The following SBNO2 variants were observed in gnomAD, a reference collection of about 807,000 sequenced individuals.
SBNO2 encodes the protein strawberry notch homolog 2.
In SBNO2, 89 loss-of-function variants were observed where a neutral mutation model predicts 146.3. That is an observed-to-expected ratio of 0.61 (90% CI 0.51 to 0.73). SBNO2 has a LOEUF of 0.73. Ranked by LOEUF, SBNO2 falls within the 30% of genes least tolerant of loss-of-function variation. The probability of loss-of-function intolerance (pLI) is 0.00; values close to 1 mark genes in which losing one functional copy is unlikely to be tolerated. For synonymous variants in SBNO2, 1,147 were observed against 892.6 expected, an observed-to-expected ratio of 1.29 and a Z score of -5.08; for missense variants, 2,092 against 2,003.7, an observed-to-expected ratio of 1.04 and a Z score of -0.84.
chr19:1,110,427 T>G lies in SBNO2; in HGVS notation c.3028+318A>C, dbSNP rs531945996. Among the ~76,000 whole-genome samples, 1 of 151,828 alleles carries G rather than the reference T, an allele frequency of 6.6e-6. No individual in the cohort carries two copies. The highest frequency in any genetic ancestry group is 1.5e-5 in the Non-Finnish European group (1 of 67,884). On this transcript the variant is annotated intron_variant, in intron 26 of 31. Coordinates refer to ENST00000361757, the MANE Select transcript of SBNO2 (RefSeq NM_014963.3). This position sits in a 1 kb window ranked among gnomAD's most constrained non-coding sequence, Gnocchi z 4.9. ...GTGCACGGTGATCCCACGAGCCCTG[T>G]GCCTGCATCCGCCCAGTCTCACCCA...
intron 6 of SBNO2, 78 bp from the exon 7 acceptor site, chr19:1,123,717 C>A: frequency 7.2e-7 from 1 of 1,391,216 alleles, no homozygotes; most frequent in Admixed American, 2.0e-5. Flanking sequence ...GGGGCAGGGG[C>A]CAGGCTGACC....
chr19:1,143,745 C>A (rs538498326), intron 4 of SBNO2, among the ~76,000 whole-genome samples: 1 of 152,272 alleles, frequency 6.6e-6, no homozygotes, highest in East Asian at 1.9e-4. Flanking sequence ...TGTGAGGACA[C>A]TGGGTCTCCA....
At position 1,109,367 on chromosome 19, in the gene SBNO2, G is replaced by T; in HGVS notation, c.3273C>A (p.Phe1091Leu). 6.3e-7 allele frequency: 1 copy of T among 1,584,212 alleles called. No homozygotes were observed. The highest frequency in any genetic ancestry group is 8.6e-7 in the Non-Finnish European group (1 of 1,166,212). Residue 1091 changes from phenylalanine (F) to leucine (L), a missense_variant, in exon 29 of 32, where the codon TTC (phenylalanine) becomes TTA (leucine). Physicochemically the swap from Phe to Leu is conservative, Grantham distance 22. Coordinates refer to ENST00000361757, the MANE Select transcript of SBNO2 (RefSeq NM_014963.3). This position sits in a 1 kb window ranked among gnomAD's most constrained non-coding sequence, Gnocchi z 4.2. ...LLAEQNRGQF[F>L]TVYKPNIGRQ... Reference sequence around the variant, plus strand: ...GGCCGATGTTGGGCTTGTACACCGTGAAGAACTGGCCGCGGTTCTGCTCCG... The same window carrying T: ...GGCCGATGTTGGGCTTGTACACCGTTAAGAACTGGCCGCGGTTCTGCTCCG...
intron 1 of SBNO2, among the ~76,000 whole-genome samples, chr19:1,171,449 G>A (rs756657366): frequency 7.2e-5 from 11 of 152,146 alleles, no homozygotes; most frequent in Non-Finnish European, 1.3e-4. Context: ...CAGCGCTGGC[G>A]TCATGGGGGG....
intron 2 of SBNO2, among the ~76,000 whole-genome samples, chr19:1,152,188 G>A (rs934946887): frequency 5.9e-5 from 9 of 152,152 alleles, no homozygotes; most frequent in African/African-American, 1.9e-4. Flanking sequence ...CAGTGCCCCC[G>A]CCGGGTTCCA....
rs952515459 is a variant in SBNO2 at position 1,110,204 on chromosome 19, C to G, written c.3029-427G>C. Among the ~76,000 whole-genome samples the G allele has an allele frequency of 1.5e-4, 23 of 152,126 alleles. No individual in the cohort carries two copies. Among genetic ancestry groups the G allele is most frequent in the Non-Finnish European group, 5.9e-5 (4 of 67,996 alleles). ...GAGCCTGGTTGGCTGCGGCACTGCT[C>G]ATGAGTGAAGTAGCCATGGCCCGGA... On this transcript the variant is annotated intron_variant, in intron 26 of 31. Transcript: ENST00000361757. This position sits in a 1 kb window ranked among gnomAD's most constrained non-coding sequence, Gnocchi z 4.9.
chr19:1,158,614 TGAG>T lies in SBNO2; in HGVS notation c.-126-4215_-126-4213del, dbSNP rs1435272841. On this transcript the variant is annotated intron_variant, in intron 1 of 31. Transcript: ENST00000361757. This position sits in a 1 kb window ranked among gnomAD's most constrained non-coding sequence, Gnocchi z 9.9. ...GCCAGCAAAGGCGGACATGGAGGTC[TGAG>T]GAGGAGGCGGCGAGGCCCGGGCGAG... Among the ~76,000 whole-genome samples, 7 of 152,100 alleles carry T rather than the reference TGAG, an allele frequency of 4.6e-5. No homozygotes were observed. Among genetic ancestry groups the T allele is most frequent in the Non-Finnish European group, 1.0e-4 (7 of 67,990 alleles).
chr19:1,122,477 C>G lies in SBNO2; in HGVS notation c.996G>C (p.Ala332=). The change falls in exon 10 of 32, where the codon GCG becomes GCC. Residue 332 remains alanine, a synonymous_variant. Coordinates refer to ENST00000361757, the MANE Select transcript of SBNO2 (RefSeq NM_014963.3). ...CGAGCACAGCCCCTACCTTGCTGAGCGCGTGCACCGCGATGCCCGTGGCTT... is the reference window on the plus strand; with the variant it reads ...CGAGCACAGCCCCTACCTTGCTGAGGGCGTGCACCGCGATGCCCGTGGCTT... ...DIEATGIAVH[A]LSKIKYGDTT... is the part of the protein sequence containing the mutation. 6.4e-7 allele frequency: 1 copy of G among 1,571,644 alleles called. No homozygotes were observed. Among genetic ancestry groups the G allele is most frequent in the Non-Finnish European group, 8.6e-7 (1 of 1,160,698 alleles).
intron 1 of SBNO2, among the ~76,000 whole-genome samples, chr19:1,156,898 C>T (rs570546785): frequency 7.4e-4 from 113 of 151,896 alleles, no homozygotes; most frequent in African/African-American, 2.7e-3. Flanking sequence ...TGTGCCCACT[C>T]CTGAGAACGC....
rs1487558397 is a variant in SBNO2 at position 1,158,191 on chromosome 19, G to A, written c.-126-3789C>T. Among the ~76,000 whole-genome samples, 3 of 152,196 alleles carry A rather than the reference G, an allele frequency of 2.0e-5. No individual in the cohort carries two copies. The highest frequency in any genetic ancestry group is 2.9e-5 in the Non-Finnish European group (2 of 68,032). On this transcript the variant is annotated intron_variant, in intron 1 of 31. Coordinates refer to ENST00000361757, the MANE Select transcript of SBNO2 (RefSeq NM_014963.3). The surrounding 1 kb of genome is among the most constrained non-coding windows in gnomAD (Gnocchi z 9.9). ...TGATGTTCAGAACTGGCCACTGTGC[G>A]GACCCTCCCCCTGGGGGTCCCTGAG...
chr19:1,122,061 T>G, intron 11 of SBNO2, 78 bp downstream of exon 11: 33 of 295,140 alleles, frequency 1.1e-4, no homozygotes, highest in Non-Finnish European at 1.3e-4. Context: ...CCACCCCTCC[T>G]CTCCCACTCC....
chr19:1,145,951 C>T (rs2145294028), intron 4 of SBNO2, among the ~76,000 whole-genome samples: 1 of 152,260 alleles, frequency 6.6e-6, no homozygotes, highest in South Asian at 2.1e-4. Context: ...CTCTTCCCGT[C>T]CCAGGGCCCG....
intron 11 of SBNO2, 51 bp downstream of exon 11, chr19:1,122,088 C>T (rs947278059): frequency 1.2e-4 from 155 of 1,339,030 alleles, no homozygotes; most frequent in Non-Finnish European, 1.4e-4. Flanking sequence ...CTCCTTTTCC[C>T]TCCGACCCCC....
Position 1,167,118 on chromosome 19 carries a change from C to T in SBNO2, c.-127+7054G>A, listed in dbSNP as rs75197123. On this transcript the variant is annotated intron_variant, in intron 1 of 31. Transcript: ENST00000361757. Reference sequence around the variant, plus strand: ...GGCTTGAGGACGGCAGCTCCAAGACCGCTTAGAGCGAGACTTCAGCGCTGA... The same window carrying T: ...GGCTTGAGGACGGCAGCTCCAAGACTGCTTAGAGCGAGACTTCAGCGCTGA... Among the ~76,000 whole-genome samples the T allele has an allele frequency of 9.0e-4, 137 of 152,396 alleles. 3 individuals are homozygous for T. In the East Asian group the frequency reaches 0.026, roughly 29 times the overall value.
At position 1,110,086 on chromosome 19, in the gene SBNO2, C is replaced by T. The variant is rs1732838988; in HGVS notation, c.3029-309G>A. Among the ~76,000 whole-genome samples, 1 of 150,750 alleles carries T rather than the reference C, an allele frequency of 6.6e-6. No homozygotes were observed. Among genetic ancestry groups the T allele is most frequent in the African/African-American group, 2.5e-5 (1 of 40,782 alleles). On this transcript the variant is annotated intron_variant, in intron 26 of 31. Coordinates refer to ENST00000361757, the MANE Select transcript of SBNO2 (RefSeq NM_014963.3). The surrounding 1 kb of genome is among the most constrained non-coding windows in gnomAD (Gnocchi z 4.9). ...TGGGAGCCTGGGGGCCGCTCAGATCCTAGGTAACCCCAAGCAGGCTGTGAG... is the reference window on the plus strand; with the variant it reads ...TGGGAGCCTGGGGGCCGCTCAGATCTTAGGTAACCCCAAGCAGGCTGTGAG...
At chr19:1,139,985 G>C (rs769390601) in intron 4 of SBNO2, among the ~76,000 whole-genome samples, 36 of 150,584 alleles carry the variant, frequency 2.4e-4, no homozygotes, top group Admixed American at 1.6e-3. Context: ...AACAGAGACA[G>C]AAAAGAAAGA....
At chr19:1,167,956 A>C (rs2145357055) in intron 1 of SBNO2, among the ~76,000 whole-genome samples, 1 of 151,776 alleles carries the variant, frequency 6.6e-6, no homozygotes. Context: ...TCTCAGTGTA[A>C]CCTCCCCACC....
intron 24 of SBNO2, 37 bp from the exon 25 acceptor site, chr19:1,111,130 C>T (rs901859351): frequency 2.0e-6 from 3 of 1,532,502 alleles, no homozygotes; most frequent in African/African-American, 1.4e-5. Flanking sequence ...GGTCTTCCCA[C>T]CCCTGCCCCT....
chr19:1,111,880 C>T (rs1296672378), intron 23 of SBNO2, 116 bp downstream of exon 23: 4 of 1,069,384 alleles, frequency 3.7e-6, no homozygotes, highest in Admixed American at 2.2e-5. Flanking sequence ...CTCCTCCAGA[C>T]CACTGAGCCC....
Sources: allele counts gnomAD v4.1 joint callset (sites outside exome capture counted in the v4.1 genomes callset), GRCh38; gene constraint gnomAD v4.1.1; non-coding constraint Gnocchi (gnomAD v3.1); transcripts MANE v1.5; gene names NCBI Gene and HGNC (gene_info 2026-07-23, HGNC 2026-07-21).